Variants in PRKCI observed in about 807,000 individuals in gnomAD.
PRKCI encodes the protein protein kinase C iota, also known as protein kinase C iota type.
Under a neutral mutation model 84.0 loss-of-function variants are expected in PRKCI, and 43 were observed. That is an observed-to-expected ratio of 0.51 (90% CI 0.40 to 0.66). The LOEUF (loss-of-function observed/expected upper bound fraction) is 0.66. Ranked by LOEUF, PRKCI falls within the 30% of genes least tolerant of loss-of-function variation. The pLI, the probability that PRKCI is intolerant of heterozygous loss-of-function variation, is 0.00. For missense variants in PRKCI, 459 were observed against 745.6 expected, an observed-to-expected ratio of 0.62 and a Z score of 4.48; for synonymous variants, 216 against 234.4, an observed-to-expected ratio of 0.92 and a Z score of 0.72.
chr3:170,280,986 C>T (rs538433683), intron 9 of PRKCI, among the ~76,000 whole-genome samples, 180 bp from the exon 10 acceptor site: 1 of 152,194 alleles, frequency 6.6e-6, no homozygotes, highest in African/African-American at 2.4e-5. Flanking sequence ...TTTTATAATA[C>T]TGAAAGATTG....
chr3:170,232,861 A>G (rs1258488321), intron 1 of PRKCI, among the ~76,000 whole-genome samples: 1 of 151,966 alleles, frequency 6.6e-6, no homozygotes, highest in Non-Finnish European at 1.5e-5. Flanking sequence ...CTTGAACTTC[A>G]AAGAGATTTC....
At chr3:170,284,790 A>G (rs1357029959) in intron 12 of PRKCI, among the ~76,000 whole-genome samples, 194 bp downstream of exon 12, 2 of 152,194 alleles carry the variant, frequency 1.3e-5, no homozygotes, top group Non-Finnish European at 2.9e-5. Flanking sequence ...TGTTATGTGT[A>G]CTACAATAAG....
intron 2 of PRKCI, among the ~76,000 whole-genome samples, chr3:170,239,113 AC>A (rs1233389661): frequency 6.6e-6 from 1 of 152,250 alleles, no homozygotes; most frequent in African/African-American, 2.4e-5. Flanking sequence ...TTTTCACACA[AC>A]TACATGAAAT....
intron 17 of PRKCI, among the ~76,000 whole-genome samples, chr3:170,300,557 C>G (rs1429226774): frequency 6.7e-6 from 1 of 150,204 alleles, no homozygotes; most frequent in Non-Finnish European, 1.5e-5. Context: ...CACGTTTTTC[C>G]TCATTTTCAT....
chr3:170,248,380 GAAA>G (rs34316499), intron 2 of PRKCI, among the ~76,000 whole-genome samples: 48 of 139,866 alleles, frequency 3.4e-4, no homozygotes, highest in Middle Eastern at 3.8e-3. Flanking sequence ...TTGGGGGGGG[GAAA>G]AAACCTGCTG....
chr3:170,225,638 G>A (rs1560163804), intron 1 of PRKCI, among the ~76,000 whole-genome samples: 2 of 151,018 alleles, frequency 1.3e-5, no homozygotes, highest in Non-Finnish European at 2.9e-5. Flanking sequence ...AAACTCCTGG[G>A]CTCAAGTGAT....
intron 17 of PRKCI, among the ~76,000 whole-genome samples, chr3:170,301,551 CTGT>C (rs1393946556): frequency 2.0e-5 from 3 of 152,042 alleles, no homozygotes; most frequent in African/African-American, 7.2e-5. Context: ...CGGTGTGTCC[CTGT>C]TGTTCAGATT....
At chr3:170,265,004 G>T (rs1450262396) in intron 4 of PRKCI, among the ~76,000 whole-genome samples, 1 of 151,724 alleles carries the variant, frequency 6.6e-6, no homozygotes, top group Non-Finnish European at 1.5e-5. Flanking sequence ...TGGCCAACAT[G>T]GTGAAAGCCC....
intron 12 of PRKCI, among the ~76,000 whole-genome samples, chr3:170,291,009 G>A (rs1360262360): frequency 1.3e-5 from 2 of 152,042 alleles, no homozygotes; most frequent in African/African-American, 4.8e-5. Context: ...GGTGGCACAC[G>A]CCTATAATCT....
At chr3:170,300,092 A>G (rs1734786165) in intron 17 of PRKCI, among the ~76,000 whole-genome samples, 2 of 152,152 alleles carry the variant, frequency 1.3e-5, no homozygotes, top group South Asian at 4.1e-4. Context: ...GGAGGCCCTT[A>G]TTGTTTGGCA....
At chr3:170,285,735 A>G (rs1472263104) in intron 12 of PRKCI, among the ~76,000 whole-genome samples, 2 of 151,210 alleles carry the variant, frequency 1.3e-5, no homozygotes, top group Non-Finnish European at 2.9e-5. Context: ...GATACTTATT[A>G]ATTAATTATT....
intron 14 of PRKCI, among the ~76,000 whole-genome samples, chr3:170,293,992 A>C (rs1734634416): frequency 6.6e-6 from 1 of 152,120 alleles, no homozygotes; most frequent in Non-Finnish European, 1.5e-5. Context: ...TCTGTGTATT[A>C]GGTTTTGATG....
chr3:170,251,238 A>G (rs914165733), intron 2 of PRKCI, among the ~76,000 whole-genome samples: 3 of 152,238 alleles, frequency 2.0e-5, no homozygotes, highest in African/African-American at 7.2e-5. Flanking sequence ...CAATCTGTGA[A>G]GAAAACATTT....
At chr3:170,222,914 C>A (rs979347835) in intron 1 of PRKCI, 144 bp downstream of exon 1, 20 of 648,350 alleles carry the variant, frequency 3.1e-5, no homozygotes, top group Non-Finnish European at 5.0e-5. Context: ...GGGTGAGTGA[C>A]GAAGTGATAG....
intron 3 of PRKCI, among the ~76,000 whole-genome samples, chr3:170,260,334 A>C (rs1336555366): frequency 2.0e-5 from 3 of 152,220 alleles, no homozygotes; most frequent in Non-Finnish European, 2.9e-5. Flanking sequence ...GATAGAACTT[A>C]AAAATTGAGA....
At position 170,281,921 on chromosome 3, in the gene PRKCI, A is replaced by C. The variant is rs906877727; in HGVS notation, c.1020A>C (p.Leu340=). 3 of 1,612,032 alleles carry C rather than the reference A, an allele frequency of 1.9e-6. No homozygotes were observed. Among genetic ancestry groups the C allele is most frequent in the Non-Finnish European group, 2.5e-6 (3 of 1,178,946 alleles). The change falls in exon 11 of 18, where the codon CTA becomes CTC. Residue 340 remains leucine, a synonymous_variant. Transcript: ENST00000295797. ...FVIEYVNGGD[L]MFHMQRQRKL... ...TAGAGTATGTAAATGGAGGAGACCTAATGTTTCATATGCAGCGACAAAGAA... is the reference window on the plus strand; with the variant it reads ...TAGAGTATGTAAATGGAGGAGACCTCATGTTTCATATGCAGCGACAAAGAA...
chr3:170,268,059 A>G (rs1003946157), intron 5 of PRKCI, 59 bp downstream of exon 5: 11 of 1,362,168 alleles, frequency 8.1e-6, no homozygotes, highest in Admixed American at 3.8e-5. Context: ...CCTTTCTACT[A>G]TGAAAGAAAG....
rs1334821023 is a variant in PRKCI at position 170,236,288 on chromosome 3, ACGGG to A, written c.223+938_223+941del. On this transcript the variant is annotated intron_variant, in intron 2 of 17. Coordinates refer to ENST00000295797, the MANE Select transcript of PRKCI (RefSeq NM_002740.6). Reference sequence around the variant, plus strand: ...GATAATTTTTGTATTTGTAGTAGAGACGGGGTTTTGCCGTGTTGCCCAGGCTGGT... The same window carrying A: ...GATAATTTTTGTATTTGTAGTAGAGAGTTTTGCCGTGTTGCCCAGGCTGGT... 3.3e-5 allele frequency among the ~76,000 whole-genome samples: 5 copies of A among 151,206 alleles called. No homozygotes were observed. The East Asian group carries it at 9.8e-4, about 30-fold the overall frequency.
intron 2 of PRKCI, among the ~76,000 whole-genome samples, chr3:170,254,467 G>C (rs1733534339): frequency 6.6e-6 from 1 of 152,112 alleles, no homozygotes; most frequent in East Asian, 1.9e-4. Context: ...AATTCATTTT[G>C]ATTTGATTTT....
Sources: gnomAD v4.1 joint callset for allele counts (sites outside exome capture counted in the v4.1 genomes callset) on GRCh38, gnomAD v4.1.1 for gene constraint, MANE v1.5 for transcripts, NCBI Gene and HGNC (gene_info 2026-07-23, HGNC 2026-07-21) for gene names.